DENND1A: variants seen among roughly 807,000 people sequenced by gnomAD.
DENND1A encodes DENN domain-containing protein 1A.
DENND1A carries 51 observed loss-of-function variants against 113.7 expected under a neutral mutation model. That is an observed-to-expected ratio of 0.45 (90% CI 0.36 to 0.57). The LOEUF is 0.57. Among genes scored for constraint, DENND1A ranks in the 20% least tolerant of loss-of-function variants. The probability of loss-of-function intolerance (pLI) is 0.00; values close to 1 mark genes in which losing one functional copy is unlikely to be tolerated. For missense variants in DENND1A, 1,258 were observed against 1,395.9 expected, an observed-to-expected ratio of 0.90 and a Z score of 1.57; for synonymous variants, 565 against 570.8, an observed-to-expected ratio of 0.99 and a Z score of 0.14.
At chr9:123,417,887 G>A (rs927247601) in intron 19 of DENND1A, among the ~76,000 whole-genome samples, 1 of 137,796 alleles carries the variant, frequency 7.3e-6, no homozygotes, top group African/African-American at 3.1e-5. Flanking sequence ...CCATAGATTG[G>A]GGGGGGGGCA....
At position 123,630,366 on chromosome 9, in the gene DENND1A, G is replaced by A. The variant is rs775831686; in HGVS notation, c.719+10C>T. ...AAAGGAGAAGCAGAGGACAGGGCCAGCCACCTTACCAGCAGTAGTCCAGCA... is the reference window on the plus strand; with the variant it reads ...AAAGGAGAAGCAGAGGACAGGGCCAACCACCTTACCAGCAGTAGTCCAGCA... On this transcript the variant is annotated intron_variant, in intron 10 of 23. Transcript: ENST00000394215. 6.3e-7 allele frequency: 1 copy of A among 1,582,564 alleles called. No individual in the cohort carries two copies. Among genetic ancestry groups the A allele is most frequent in the East Asian group, 2.3e-5 (1 of 43,934 alleles).
intron 13 of DENND1A, among the ~76,000 whole-genome samples, chr9:123,509,572 G>T (rs116868115): frequency 6.6e-5 from 10 of 152,186 alleles, no homozygotes; most frequent in African/African-American, 9.7e-5. Context: ...CAGTGAACAT[G>T]CAAGAAAGGT....
At position 123,679,716 on chromosome 9, in the gene DENND1A, G is replaced by A. The variant is rs1014308132; in HGVS notation, c.303-2927C>T. On this transcript the variant is annotated intron_variant, in intron 5 of 23. Transcript: ENST00000394215. ...TTTCCTGTCCTGCTTCATTAGAGCC[G>A]CCACAACAGCTTGCGCGGCCTGCTA... is the stretch of plus-strand genomic sequence containing the variant. Among the ~76,000 whole-genome samples, 10 of 152,168 alleles carry A rather than the reference G, an allele frequency of 6.6e-5. No individual in the cohort carries two copies. In the East Asian group the frequency reaches 9.6e-4, roughly 15 times the overall value.
intron 2 of DENND1A, among the ~76,000 whole-genome samples, chr9:123,827,716 G>A (rs978615769): frequency 2.0e-5 from 3 of 152,126 alleles, no homozygotes; most frequent in East Asian, 1.9e-4. Context: ...GTCCCAGTAA[G>A]TGCTTTAGGC....
At chr9:123,458,482 C>T (rs187109575) in intron 13 of DENND1A, among the ~76,000 whole-genome samples, 27 of 152,182 alleles carry the variant, frequency 1.8e-4, no homozygotes, top group Non-Finnish European at 3.1e-4. Context: ...AGAGTCATCC[C>T]GCAAAGTCAC....
chr9:123,408,228 C>T (rs1339559423), intron 20 of DENND1A, among the ~76,000 whole-genome samples: 2 of 152,174 alleles, frequency 1.3e-5, no homozygotes, highest in East Asian at 1.9e-4. Context: ...CTGTTCTCTT[C>T]GAGGCCCTTG....
chr9:123,431,286 C>T (rs1245188219), intron 19 of DENND1A, among the ~76,000 whole-genome samples: 1 of 152,168 alleles, frequency 6.6e-6, no homozygotes, highest in African/African-American at 2.4e-5. Context: ...GAAAATCATC[C>T]AACATGCCTT....
chr9:123,726,193 C>G (rs985643138), intron 5 of DENND1A, among the ~76,000 whole-genome samples: 1 of 152,158 alleles, frequency 6.6e-6, no homozygotes, highest in Non-Finnish European at 1.5e-5. Context: ...ATGGCCTAGT[C>G]TGCAACAAGT....
At chr9:123,646,447 T>C (rs1177089925) in intron 9 of DENND1A, among the ~76,000 whole-genome samples, 1 of 152,168 alleles carries the variant, frequency 6.6e-6, no homozygotes, top group Non-Finnish European at 1.5e-5. Flanking sequence ...TATAGCATGT[T>C]GGCATGCTCA....
At chr9:123,847,504 G>T (rs1375364452) in intron 2 of DENND1A, among the ~76,000 whole-genome samples, 1 of 152,142 alleles carries the variant, frequency 6.6e-6, no homozygotes, top group Non-Finnish European at 1.5e-5. Context: ...ACAACAAAAT[G>T]ACATCTCCAA....
At chr9:123,419,276 G>T (rs1238889070) in intron 19 of DENND1A, among the ~76,000 whole-genome samples, 1 of 152,216 alleles carries the variant, frequency 6.6e-6, no homozygotes. Context: ...TCTGAAGCTG[G>T]CCCCAAAGGG....
At chr9:123,736,421 T>A (rs962479852) in intron 5 of DENND1A, 6 of 152,178 alleles carry the variant, frequency 3.9e-5, no homozygotes, top group African/African-American at 1.4e-4. Flanking sequence ...AAGGAAAAAG[T>A]CCCTTGCCCT....
chr9:123,587,515 C>T (rs182671130), intron 11 of DENND1A, among the ~76,000 whole-genome samples: 6 of 152,128 alleles, frequency 3.9e-5, no homozygotes, highest in Admixed American at 1.3e-4. Flanking sequence ...CTAGAAGAGC[C>T]GTGGCAAGAT....
chr9:123,702,139 A>G (rs928684789), intron 5 of DENND1A, among the ~76,000 whole-genome samples: 4 of 152,232 alleles, frequency 2.6e-5, no homozygotes, highest in Admixed American at 6.5e-5. Flanking sequence ...AGGAGTTGAA[A>G]AATACAAAAA....
chr9:123,817,723 G>A (rs1312312612), intron 2 of DENND1A, among the ~76,000 whole-genome samples: 2 of 152,138 alleles, frequency 1.3e-5, no homozygotes, highest in African/African-American at 2.4e-5. Flanking sequence ...TCAACTTTTA[G>A]AAATATACTA....
At chr9:123,733,334 CAGTGGTGT>C (rs1589853163) in intron 5 of DENND1A, among the ~76,000 whole-genome samples, 1 of 152,130 alleles carries the variant, frequency 6.6e-6, no homozygotes, top group East Asian at 1.9e-4. Flanking sequence ...GGCTGGAGTG[CAGTGGTGT>C]GATCATAGGT....
intron 13 of DENND1A, among the ~76,000 whole-genome samples, chr9:123,520,567 G>T (rs1347265839): frequency 6.6e-6 from 1 of 152,236 alleles, no homozygotes; most frequent in African/African-American, 2.4e-5. Context: ...TGGCATGTAG[G>T]CTGATGCCTG....
At chr9:123,711,498 T>TATGTATATAA in intron 5 of DENND1A, among the ~76,000 whole-genome samples, 1 of 64,624 alleles carries the variant, frequency 1.5e-5, no homozygotes, top group African/African-American at 8.4e-5. Flanking sequence ...TATATATATA[T>TATGTATATAA]ATATATGTAT....
chr9:123,599,376 G>T (rs1203896274), intron 11 of DENND1A, among the ~76,000 whole-genome samples: 1 of 151,988 alleles, frequency 6.6e-6, no homozygotes, highest in Admixed American at 6.5e-5. Context: ...TAGCAGGGGG[G>T]AAAAAAGGCA....
Sources: allele counts gnomAD v4.1 joint callset (sites outside exome capture counted in the v4.1 genomes callset), GRCh38; gene constraint gnomAD v4.1.1; transcripts MANE v1.5; gene names NCBI Gene and HGNC (gene_info 2026-07-23, HGNC 2026-07-21).